TUSC3: variants seen among roughly 807,000 people sequenced by gnomAD.
TUSC3 encodes the protein tumor suppressor candidate 3, also known as dolichyl-diphosphooligosaccharide--protein glycosyltransferase subunit TUSC3.
Under a neutral mutation model 44.8 loss-of-function variants are expected in TUSC3, and 45 were observed. The ratio of observed to expected loss-of-function variants is 1.00; its 90% CI spans 0.79 to 1.29. The LOEUF (loss-of-function observed/expected upper bound fraction) is 1.29, where lower values mean the gene tolerates loss of function less well. Among genes scored for constraint, TUSC3 ranks in the 50% most tolerant of loss-of-function variants. The probability of loss-of-function intolerance (pLI) is 0.00; values close to 1 mark genes in which losing one functional copy is unlikely to be tolerated. For missense variants in TUSC3, 519 were observed against 437.9 expected, an observed-to-expected ratio of 1.19 and a Z score of -1.65; for synonymous variants, 212 against 152.9, an observed-to-expected ratio of 1.39 and a Z score of -2.85.
the TUSC3 span, among the ~76,000 whole-genome samples, chr8:15,826,193 T>C: frequency 6.6e-6 from 1 of 152,154 alleles, no homozygotes; most frequent in African/African-American, 2.4e-5. Flanking sequence ...TACTTAAGAA[T>C]GTAATTCTAG....
chr8:15,458,883 A>T (rs1585053086), intron 1 of TUSC3, among the ~76,000 whole-genome samples: 1 of 152,210 alleles, frequency 6.6e-6, no homozygotes, highest in Admixed American at 6.5e-5. Context: ...CAAAGTATTA[A>T]TATGTAAGCT....
At chr8:15,530,092 T>A (rs1801430910) in intron 2 of TUSC3, among the ~76,000 whole-genome samples, 2 of 151,858 alleles carry the variant, frequency 1.3e-5, no homozygotes. Flanking sequence ...GCCGAAAAAG[T>A]TTTTTACACT....
chr8:15,579,064 A>T lies in TUSC3; in HGVS notation c.138+38496A>T, dbSNP rs373003988. 2.3e-3 allele frequency among the ~76,000 whole-genome samples: 355 copies of T among 152,024 alleles called. 9 individuals carry two copies. In the East Asian group the frequency reaches 0.057, roughly 25 times the overall value. On this transcript the variant is annotated intron_variant, in intron 1 of 10. Coordinates refer to ENST00000503731, the MANE Select transcript of TUSC3 (RefSeq NM_006765.4). ...TCTTGGGAGAGTGTATGTGTTGAGG[A>T]ATTTATCCATTTCTTCTAGATTTTC...
At chr8:15,692,786 C>G (rs1808976305) in intron 6 of TUSC3, among the ~76,000 whole-genome samples, 1 of 151,810 alleles carries the variant, frequency 6.6e-6, no homozygotes, top group African/African-American at 2.4e-5. Context: ...TAGTTTTCCA[C>G]TATTGGACTG....
At chr8:15,471,597 C>G (rs965477042) in intron 1 of TUSC3, among the ~76,000 whole-genome samples, 1 of 150,820 alleles carries the variant, frequency 6.6e-6, no homozygotes, top group South Asian at 2.1e-4. Flanking sequence ...TTACTTATAA[C>G]GGAAATTTCT....
intron 1 of TUSC3, among the ~76,000 whole-genome samples, chr8:15,481,761 G>A (rs1205426617): frequency 1.3e-5 from 2 of 152,082 alleles, no homozygotes; most frequent in Non-Finnish European, 2.9e-5. Flanking sequence ...TAACAATTAC[G>A]TGAGCCTTCA....
chr8:15,519,943 T>C (rs1406151281), intron 2 of TUSC3, among the ~76,000 whole-genome samples: 3 of 152,314 alleles, frequency 2.0e-5, no homozygotes, highest in East Asian at 1.9e-4. Flanking sequence ...AATGGAGAGA[T>C]TGGAGGGACC....
the TUSC3 span, among the ~76,000 whole-genome samples, chr8:15,778,099 C>A: frequency 2.2e-4 from 29 of 134,686 alleles, no homozygotes; most frequent in African/African-American, 4.5e-4. Flanking sequence ...CACTTTAAGG[C>A]AAAAAAAAAA....
chr8:15,582,279 C>T (rs923360700), intron 1 of TUSC3, among the ~76,000 whole-genome samples: 3 of 152,300 alleles, frequency 2.0e-5, no homozygotes, highest in Admixed American at 1.3e-4. Flanking sequence ...CTGGGTCGCT[C>T]ACGCTGGGAG....
intron 6 of TUSC3, among the ~76,000 whole-genome samples, chr8:15,713,804 T>C (rs546896590): frequency 3.3e-5 from 5 of 152,244 alleles, no homozygotes; most frequent in African/African-American, 4.8e-5. Flanking sequence ...AGTCATATTC[T>C]GAGGTACTGG....
chr8:15,429,690 C>T (rs572540634), intron 1 of TUSC3, among the ~76,000 whole-genome samples: 4 of 151,646 alleles, frequency 2.6e-5, no homozygotes, highest in African/African-American at 9.7e-5. Flanking sequence ...AGGTCCTTCA[C>T]ATCCCTTGTA....
intron 1 of TUSC3, among the ~76,000 whole-genome samples, chr8:15,459,879 C>CGTGT (rs1800321085): frequency 7.1e-6 from 1 of 139,982 alleles, no homozygotes; most frequent in African/African-American, 3.1e-5. Context: ...TGTGTGTATA[C>CGTGT]ATACATACAT....
intron 7 of TUSC3, among the ~76,000 whole-genome samples, chr8:15,739,030 A>G (rs1811065983): frequency 6.6e-6 from 1 of 151,168 alleles, no homozygotes; most frequent in African/African-American, 2.4e-5. Context: ...ACGGGATTTC[A>G]CCATATTGGC....
intron 1 of TUSC3, among the ~76,000 whole-genome samples, chr8:15,453,022 C>G (rs1800214422): frequency 6.6e-6 from 1 of 152,034 alleles, no homozygotes; most frequent in Non-Finnish European, 1.5e-5. Context: ...CTCTAGTACC[C>G]TGAGGAACTG....
In TUSC3 at chr8:15,752,477, C is replaced by T. The variant is rs553882439; in HGVS notation, c.1028+4012C>T. ...TTTGGGTGAATTTTATGACAGTTCT[C>T]TAATTCAAATTCTAGATGTTTGCAA... On this transcript the variant is annotated intron_variant, in intron 9 of 10. Coordinates refer to ENST00000503731, the MANE Select transcript of TUSC3 (RefSeq NM_006765.4). Among the ~76,000 whole-genome samples, 5 of 152,218 alleles carry T rather than the reference C, an allele frequency of 3.3e-5. No individual in the cohort carries two copies. In the South Asian group the frequency reaches 8.3e-4, roughly 25 times the overall value.
the TUSC3 span, among the ~76,000 whole-genome samples, chr8:15,778,106 AAAAAAC>A: frequency 0.17 from 24,726 of 149,394 alleles, 2,013 homozygotes; most frequent in South Asian, 0.24. Context: ...AGGCAAAAAA[AAAAAAC>A]AAAAAACCAA....
At chr8:15,841,784 G>C in the TUSC3 span, among the ~76,000 whole-genome samples, 1 of 152,258 alleles carries the variant, frequency 6.6e-6, no homozygotes, top group South Asian at 2.1e-4. Flanking sequence ...AAAGTGCTGC[G>C]ATTACAGCTG....
intron 1 of TUSC3, among the ~76,000 whole-genome samples, chr8:15,612,694 G>C (rs1463684952): frequency 6.6e-6 from 1 of 152,174 alleles, no homozygotes; most frequent in Non-Finnish European, 1.5e-5. Flanking sequence ...TTCATTCATA[G>C]ATGTGACCTT....
chr8:15,648,107 C>T (rs1429805710), intron 2 of TUSC3, among the ~76,000 whole-genome samples: 1 of 152,020 alleles, frequency 6.6e-6, no homozygotes, highest in African/African-American at 2.4e-5. Flanking sequence ...TCTGTGATGC[C>T]TGTTTGAAAA....
Sources: allele counts gnomAD v4.1 joint callset (sites outside exome capture counted in the v4.1 genomes callset), GRCh38; gene constraint gnomAD v4.1.1; transcripts MANE v1.5; gene names NCBI Gene and HGNC (gene_info 2026-07-23, HGNC 2026-07-21).